WDR27: variants seen among roughly 807,000 people sequenced by gnomAD.
The protein encoded by WDR27 is WD repeat domain 27.
A neutral mutation model predicts 114.4 loss-of-function variants in WDR27; 100 were observed. That is an observed-to-expected ratio of 0.87 (90% confidence interval 0.74 to 1.03). The LOEUF is 1.03. Ranked by LOEUF, WDR27 falls within the 50% of genes least tolerant of loss-of-function variation. WDR27 has a pLI of 0.00. For missense variants in WDR27, 1,129 were observed against 1,092.9 expected, an observed-to-expected ratio of 1.03 and a Z score of -0.47; for synonymous variants, 449 against 423.1, an observed-to-expected ratio of 1.06 and a Z score of -0.75.
intron 25 of WDR27, among the ~76,000 whole-genome samples, chr6:169,499,648 G>C (rs544529356): frequency 1.1e-4 from 16 of 152,352 alleles, no homozygotes; most frequent in African/African-American, 3.8e-4. Context: ...GCACAGAACT[G>C]ACATTTCTGA....
chr6:169,653,928 G>C (rs930531355), intron 13 of WDR27, among the ~76,000 whole-genome samples: 2 of 152,224 alleles, frequency 1.3e-5, no homozygotes, highest in African/African-American at 4.8e-5. Flanking sequence ...CAGGCTGCTG[G>C]CCCTGCAGTC....
chr6:169,557,505 C>A lies in WDR27; in HGVS notation c.2645+14914G>T, dbSNP rs373631728. 1.1e-4 allele frequency among the ~76,000 whole-genome samples: 17 copies of A among 152,344 alleles called. No homozygotes were observed. The South Asian group carries it at 1.9e-3, about 17-fold the overall frequency. On this transcript the variant is annotated intron_variant, in intron 25 of 25. Coordinates refer to ENST00000448612, the MANE Select transcript of WDR27 (RefSeq NM_182552.5). ...TTGTAACCCCAGACAAAGAAAGGAG[C>A]CCTCACCCTACATGATTTAGAACAT... is the stretch of plus-strand genomic sequence containing the variant.
chr6:169,516,849 A>C (rs757395204), intron 25 of WDR27, among the ~76,000 whole-genome samples: 1 of 125,874 alleles, frequency 7.9e-6, no homozygotes, highest in African/African-American at 2.7e-5. Flanking sequence ...CTCCCTTAGC[A>C]AAGACTGAAA....
chr6:169,697,363 G>A (rs554446583), intron 1 of WDR27, among the ~76,000 whole-genome samples: 76 of 152,128 alleles, frequency 5.0e-4, no homozygotes, highest in Non-Finnish European at 9.1e-4. Context: ...TTGCCAGGTG[G>A]ACCGAGGTCT....
chr6:169,699,856 C>T (rs989037164), intron 1 of WDR27, among the ~76,000 whole-genome samples: 1 of 152,082 alleles, frequency 6.6e-6, no homozygotes, highest in African/African-American at 2.4e-5. Flanking sequence ...GCAGTGCATG[C>T]TTGTAGCCCC....
At chr6:169,681,672 C>T (rs528335258) in intron 2 of WDR27, among the ~76,000 whole-genome samples, 1 of 152,338 alleles carries the variant, frequency 6.6e-6, no homozygotes, top group East Asian at 1.9e-4. Context: ...TGAAAGCTGC[C>T]CTGTGGCTTC....
downstream of WDR27, among the ~76,000 whole-genome samples, chr6:169,452,634 G>A (rs140218277): frequency 8.7e-4 from 133 of 152,286 alleles, no homozygotes; most frequent in African/African-American, 3.1e-3. Flanking sequence ...AGCCGCAGGA[G>A]GAGGGCAAGG....
At chr6:169,501,725 G>A (rs566155720) in intron 25 of WDR27, among the ~76,000 whole-genome samples, 2 of 151,680 alleles carry the variant, frequency 1.3e-5, no homozygotes, top group East Asian at 2.0e-4. Flanking sequence ...CTTTAATACC[G>A]AGGATGCACA....
At chr6:169,428,167 G>A in the WDR27 span, among the ~76,000 whole-genome samples, 1 of 152,112 alleles carries the variant, frequency 6.6e-6, no homozygotes, top group South Asian at 2.1e-4. Context: ...ACTAAATATT[G>A]AGGATGGAAA....
At chr6:169,440,426 C>T in the WDR27 span, among the ~76,000 whole-genome samples, 1 of 152,092 alleles carries the variant, frequency 6.6e-6, no homozygotes, top group Non-Finnish European at 1.5e-5. Context: ...GGACAAGCCT[C>T]ACGCCTAGTG....
intron 25 of WDR27, among the ~76,000 whole-genome samples, chr6:169,560,184 G>A (rs956478748): frequency 2.6e-5 from 4 of 152,086 alleles, no homozygotes; most frequent in African/African-American, 4.8e-5. Context: ...TGCTGTTCTC[G>A]TGATAGTGAC....
At chr6:169,583,275 C>T (rs1225720244) in intron 23 of WDR27, among the ~76,000 whole-genome samples, 1 of 141,154 alleles carries the variant, frequency 7.1e-6, no homozygotes, top group Non-Finnish European at 1.5e-5. Flanking sequence ...GTAATTCAAC[C>T]TTACCTTGAA....
chr6:169,549,871 G>T (rs1444012920), intron 25 of WDR27, among the ~76,000 whole-genome samples: 4 of 152,176 alleles, frequency 2.6e-5, no homozygotes, highest in South Asian at 4.1e-4. Context: ...GAGTTAGGAA[G>T]GAGAGAGGGA....
chr6:169,463,138 G>C (rs1253754148), intron 25 of WDR27, among the ~76,000 whole-genome samples: 1 of 152,144 alleles, frequency 6.6e-6, no homozygotes, highest in Non-Finnish European at 1.5e-5. Context: ...CTAAGAGCCT[G>C]GTTTCCATTT....
chr6:169,441,440 A>G, the WDR27 span, among the ~76,000 whole-genome samples: 1 of 152,350 alleles, frequency 6.6e-6, no homozygotes, highest in Non-Finnish European at 1.5e-5. Context: ...GACCAGCGGC[A>G]GGTGGGAAGC....
chr6:169,505,120 C>T (rs191675399), intron 25 of WDR27, among the ~76,000 whole-genome samples: 126 of 152,248 alleles, frequency 8.3e-4, no homozygotes, highest in African/African-American at 2.8e-3. Flanking sequence ...AAATGCTACA[C>T]CTAAGTAAAT....
At chr6:169,555,166 G>A (rs565623656) in intron 25 of WDR27, among the ~76,000 whole-genome samples, 1 of 152,184 alleles carries the variant, frequency 6.6e-6, no homozygotes, top group Non-Finnish European at 1.5e-5. Context: ...ACAATGTGAT[G>A]CCCGGGTCCT....
At chr6:169,651,738 C>T (rs980069282) in intron 14 of WDR27, among the ~76,000 whole-genome samples, 192 bp downstream of exon 14, 1 of 152,192 alleles carries the variant, frequency 6.6e-6, no homozygotes, top group Admixed American at 6.5e-5. Flanking sequence ...GCTCAGGAAA[C>T]GTTTGCTGCT....
At chr6:169,517,810 A>T (rs1793863444) in intron 25 of WDR27, among the ~76,000 whole-genome samples, 1 of 152,248 alleles carries the variant, frequency 6.6e-6, no homozygotes, top group South Asian at 2.1e-4. Flanking sequence ...GTTTCTAATG[A>T]GAAATCAACT....
Sources: allele counts gnomAD v4.1 joint callset (sites outside exome capture counted in the v4.1 genomes callset), GRCh38; gene constraint gnomAD v4.1.1; transcripts MANE v1.5; gene names NCBI Gene and HGNC (gene_info 2026-07-23, HGNC 2026-07-21).